Variants in KIF6 observed in about 807,000 individuals in gnomAD.
KIF6 encodes kinesin-like protein KIF6.
In KIF6, 106 loss-of-function variants were observed where a neutral mutation model predicts 112.7. That is an observed-to-expected ratio of 0.94 (90% CI 0.80 to 1.11). The LOEUF is 1.11. Among genes scored for constraint, KIF6 ranks in the 50% least tolerant of loss-of-function variants. The pLI is 0.00. For missense variants in KIF6, 929 were observed against 964.0 expected (o/e 0.96, Z 0.48); for synonymous variants, 339 against 339.9 (o/e 1.00, Z 0.03).
At chr6:39,671,675 A>T (rs980878574) in intron 3 of KIF6, among the ~76,000 whole-genome samples, 6 of 152,152 alleles carry the variant, frequency 3.9e-5, no homozygotes, top group Non-Finnish European at 5.9e-5. Context: ...ATGTCCCCAC[A>T]TCTTTGTTTT....
At chr6:39,466,054 T>C (rs1249212667) in intron 13 of KIF6, among the ~76,000 whole-genome samples, 1 of 152,234 alleles carries the variant, frequency 6.6e-6, no homozygotes, top group Non-Finnish European at 1.5e-5. Flanking sequence ...TTTATTTTTG[T>C]CAGTCTCTCT....
chr6:39,383,469 T>C (rs904524412), intron 16 of KIF6, among the ~76,000 whole-genome samples: 10 of 152,206 alleles, frequency 6.6e-5, no homozygotes, highest in Non-Finnish European at 1.5e-4. Context: ...CAGTTGGTTG[T>C]AGGTGTGCAG....
intron 3 of KIF6, among the ~76,000 whole-genome samples, chr6:39,706,849 C>G (rs1332458760): frequency 6.6e-6 from 1 of 152,090 alleles, no homozygotes; most frequent in Non-Finnish European, 1.5e-5. Flanking sequence ...TATTGAATCC[C>G]CTGGGGGAGA....
chr6:39,621,196 GACACAC>G (rs55752326), intron 5 of KIF6, among the ~76,000 whole-genome samples: 26 of 135,914 alleles, frequency 1.9e-4, no homozygotes, highest in Non-Finnish European at 3.1e-4. Flanking sequence ...CCGTAAGATA[GACACAC>G]ACACACACAC....
chr6:39,599,253 T>C (rs1339322319), intron 6 of KIF6, among the ~76,000 whole-genome samples: 2 of 152,216 alleles, frequency 1.3e-5, no homozygotes, highest in Non-Finnish European at 2.9e-5. Context: ...TGAGTATTCA[T>C]ATGAGTAAAT....
At chr6:39,347,519 C>G (rs1048627480) in intron 19 of KIF6, among the ~76,000 whole-genome samples, 1 of 152,230 alleles carries the variant, frequency 6.6e-6, no homozygotes, top group Non-Finnish European at 1.5e-5. Context: ...ATTCCACATG[C>G]CTGTGGTTAC....
intron 13 of KIF6, among the ~76,000 whole-genome samples, chr6:39,493,460 T>C (rs959502460): frequency 6.6e-6 from 1 of 152,228 alleles, no homozygotes; most frequent in Admixed American, 6.5e-5. Flanking sequence ...ATGTGACAGA[T>C]TCTTTCCTTC....
chr6:39,615,743 A>T (rs1783483915), intron 5 of KIF6, among the ~76,000 whole-genome samples: 3 of 152,108 alleles, frequency 2.0e-5, no homozygotes, highest in South Asian at 2.1e-4. Context: ...CCAAAGGGTA[A>T]AATTACTAAT....
chr6:39,492,566 G>A (rs1299633694), intron 13 of KIF6, among the ~76,000 whole-genome samples: 1 of 152,198 alleles, frequency 6.6e-6, no homozygotes, highest in Admixed American at 6.5e-5. Flanking sequence ...AAGAAGTGGA[G>A]CTGAGTTCCA....
chr6:39,477,994 C>T (rs1774536591), intron 13 of KIF6, among the ~76,000 whole-genome samples: 1 of 152,076 alleles, frequency 6.6e-6, no homozygotes, highest in African/African-American at 2.4e-5. Context: ...ATATATCTAT[C>T]ACCAAGATCT....
intron 15 of KIF6, among the ~76,000 whole-genome samples, chr6:39,413,548 C>A (rs546002881): frequency 6.6e-6 from 1 of 152,202 alleles, no homozygotes; most frequent in African/African-American, 2.4e-5. Flanking sequence ...TAAGCCAGGT[C>A]GATCATTCGT....
rs908160267 is a variant in KIF6, at chr6:39,716,687, T to C, written c.177-1921A>G. On this transcript the variant is annotated intron_variant, in intron 2 of 22. Coordinates refer to ENST00000287152, the MANE Select transcript of KIF6 (RefSeq NM_145027.6). ...AGAGTCTTAGAGCTCATCAATAATA[T>C]GCCTTGAGACATAACTTAGGTTTCC... Among the ~76,000 whole-genome samples the C allele has an allele frequency of 3.3e-5, 5 of 152,326 alleles. No homozygotes were observed. In the South Asian group the frequency reaches 1.0e-3, roughly 32 times the overall value.
At position 39,586,373 on chromosome 6, in the gene KIF6, G is replaced by A. The variant is rs755557178; in HGVS notation, c.878C>T (p.Ser293Leu). ...CATGGAGTTTCTATAAGGAATGTGC[G>A]AACGGTGCTTTTCTGAAAGGGCAAT... is the stretch of plus-strand genomic sequence containing the variant. Reference protein sequence around the residue: ...VIIALSEKHRSHIPYRNSMMT... With the variant: ...VIIALSEKHRLHIPYRNSMMT... Residue 293 changes from serine to leucine, a missense_variant, in exon 8 of 23, where the codon TCG becomes TTG. Coordinates refer to ENST00000287152, the MANE Select transcript of KIF6 (RefSeq NM_145027.6). 58 of 1,613,878 alleles carry A rather than the reference G, an allele frequency of 3.6e-5. No homozygotes were observed. The Middle Eastern group carries it at 6.6e-4, about 18-fold the overall frequency.
intron 4 of KIF6, 106 bp downstream of exon 4, chr6:39,639,504 T>C (rs1290063964): frequency 1.3e-5 from 12 of 946,684 alleles, no homozygotes; most frequent in Non-Finnish European, 1.5e-5. Flanking sequence ...AATAAGACTT[T>C]ATCATTTAGA....
intron 13 of KIF6, among the ~76,000 whole-genome samples, chr6:39,438,661 TA>T (rs1771718733): frequency 6.6e-6 from 1 of 152,216 alleles, no homozygotes; most frequent in African/African-American, 2.4e-5. Flanking sequence ...AAATTAGGCT[TA>T]TAAGATAAAA....
At chr6:39,616,198 C>T (rs1314959515) in intron 5 of KIF6, among the ~76,000 whole-genome samples, 4 of 152,166 alleles carry the variant, frequency 2.6e-5, no homozygotes, top group Non-Finnish European at 5.9e-5. Flanking sequence ...TGATATTTGG[C>T]TAAGCTACTT....
At chr6:39,566,377 A>G (rs766321928) in intron 10 of KIF6, among the ~76,000 whole-genome samples, 1 of 152,196 alleles carries the variant, frequency 6.6e-6, no homozygotes, top group Non-Finnish European at 1.5e-5. Context: ...CTGCTACTTT[A>G]CTTTTGAATT....
intron 22 of KIF6, among the ~76,000 whole-genome samples, chr6:39,337,719 C>T (rs1562103557): frequency 6.6e-6 from 1 of 152,124 alleles, no homozygotes. Context: ...ACCATGTGGC[C>T]CCTATCCTGT....
In KIF6 at chr6:39,343,953, C is replaced by A; in HGVS notation, c.2322-138G>T. 1 of 562,144 alleles carries A rather than the reference C, an allele frequency of 1.8e-6. No homozygotes were observed. The highest frequency in any genetic ancestry group is 3.1e-6 in the Non-Finnish European group (1 of 317,860). The allele number at this position is 562,144 out of a possible 1,614,324, so 34.8% of individuals were successfully genotyped here. A position where few individuals can be genotyped will look rare whatever the true frequency, so the allele number is the denominator to read the frequency against. ...ACACGGCTGGCCTGCTTCTCACTCC[C>A]TCCTACCTTCTCTGTGTGGCAGCCA... On this transcript the variant is annotated intron_variant, in intron 21 of 22. Coordinates refer to ENST00000287152, the MANE Select transcript of KIF6 (RefSeq NM_145027.6). This position sits in a 1 kb window ranked among gnomAD's most constrained non-coding sequence, Gnocchi z 4.1.
Sources: gnomAD v4.1 joint callset for allele counts (sites outside exome capture counted in the v4.1 genomes callset) on GRCh38, gnomAD v4.1.1 for gene constraint, Gnocchi (gnomAD v3.1) non-coding constraint, MANE v1.5 for transcripts, NCBI Gene and HGNC (gene_info 2026-07-23, HGNC 2026-07-21) for gene names.